CELF2: variants seen among roughly 807,000 people sequenced by gnomAD.
The protein encoded by CELF2 is CUGBP Elav-like family member 2.
Under a neutral mutation model 62.6 loss-of-function variants are expected in CELF2, and 8 were observed. That is an observed-to-expected ratio of 0.13 (90% confidence interval 0.07 to 0.23). The LOEUF is 0.23. Among genes scored for constraint, CELF2 ranks in the 10% least tolerant of loss-of-function variants. The pLI is 1.00. For missense variants in CELF2, 333 were observed against 671.0 expected (o/e 0.50, Z 5.56); for synonymous variants, 258 against 250.0 (o/e 1.03, Z -0.30).
At chr10:11,221,164 T>G (rs775177792) in intron 3 of CELF2, among the ~76,000 whole-genome samples, 1 of 152,244 alleles carries the variant, frequency 6.6e-6, no homozygotes, top group African/African-American at 2.4e-5. Flanking sequence ...AGGCTGACTT[T>G]TCCTACTGCT....
intron 2 of CELF2, among the ~76,000 whole-genome samples, chr10:11,209,100 A>G (rs1041557374): frequency 2.6e-5 from 4 of 152,072 alleles, no homozygotes; most frequent in Non-Finnish European, 5.9e-5. Context: ...TACTTTTTTC[A>G]TGCCCCTGGT....
the CELF2 span, among the ~76,000 whole-genome samples, chr10:10,659,958 C>T: frequency 2.5e-4 from 38 of 152,146 alleles, 1 homozygote; most frequent in East Asian, 6.8e-3. Context: ...AGAGAGGTGG[C>T]GTGACGACAA....
At chr10:10,821,395 G>A (rs150828278) in intron 1 of CELF2, among the ~76,000 whole-genome samples, 3 of 152,360 alleles carry the variant, frequency 2.0e-5, no homozygotes, top group East Asian at 3.9e-4. Flanking sequence ...AAAGGCGAGA[G>A]TACCAGGGAC....
Position 10,987,437 on chromosome 10 carries a change from G to A in CELF2, c.89+67438G>A, listed in dbSNP as rs761939981. Among the ~76,000 whole-genome samples the A allele has an allele frequency of 1.3e-4, 20 of 151,980 alleles. No homozygotes were observed. The South Asian group carries it at 1.5e-3, about 11-fold the overall frequency. ...ATGAAAATAAATATGTCACAACAGCGCTGTATTAAATGTTTCCTAAACTTT... is the reference window on the plus strand; with the variant it reads ...ATGAAAATAAATATGTCACAACAGCACTGTATTAAATGTTTCCTAAACTTT... On this transcript the variant is annotated intron_variant, in intron 2 of 13. Transcript: ENST00000636488.
chr10:10,550,511 G>A, the CELF2 span, among the ~76,000 whole-genome samples: 1 of 152,140 alleles, frequency 6.6e-6, no homozygotes, highest in Non-Finnish European at 1.5e-5. Context: ...AAGAAGACAG[G>A]AAGAAACACT....
At chr10:10,764,156 G>T in the CELF2 span, among the ~76,000 whole-genome samples, 1 of 152,192 alleles carries the variant, frequency 6.6e-6, no homozygotes, top group Non-Finnish European at 1.5e-5. Context: ...ACTCTGGGGA[G>T]ACTAATGTGT....
chr10:10,577,236 A>G, the CELF2 span, among the ~76,000 whole-genome samples: 1 of 152,122 alleles, frequency 6.6e-6, no homozygotes, highest in Non-Finnish European at 1.5e-5. Flanking sequence ...GCAATGGGTT[A>G]TTTGTTCCTT....
In CELF2 at chr10:11,227,672, T is replaced by G. The variant is rs1483558433; in HGVS notation, c.354+10165T>G. Among the ~76,000 whole-genome samples, 1 of 152,188 alleles carries G rather than the reference T, an allele frequency of 6.6e-6. No homozygotes were observed. Among genetic ancestry groups the G allele is most frequent in the East Asian group, 1.9e-4 (1 of 5,192 alleles). On this transcript the variant is annotated intron_variant, in intron 3 of 12. Coordinates refer to ENST00000633077, the MANE Select transcript of CELF2 (RefSeq NM_001326342.2). This position sits in a 1 kb window ranked among gnomAD's most constrained non-coding sequence, Gnocchi z 4.8. ...TCATGAGGTGGAAGCTCAGGCTACCTCTATCTTAGTTACAACAGTCAGAGC... is the reference window on the plus strand; with the variant it reads ...TCATGAGGTGGAAGCTCAGGCTACCGCTATCTTAGTTACAACAGTCAGAGC...
At chr10:10,850,882 T>C (rs563279506) in intron 1 of CELF2, among the ~76,000 whole-genome samples, 2 of 151,916 alleles carry the variant, frequency 1.3e-5, no homozygotes, top group Admixed American at 1.3e-4. Flanking sequence ...CTCAGCTCAC[T>C]GCGACCTCTG....
chr10:10,545,632 G>A, the CELF2 span, among the ~76,000 whole-genome samples: 1 of 152,070 alleles, frequency 6.6e-6, no homozygotes, highest in East Asian at 1.9e-4. Context: ...TTATTGGGTT[G>A]CTATTATCCT....
At chr10:10,982,257 C>T (rs959522499) in intron 2 of CELF2, among the ~76,000 whole-genome samples, 11 of 151,990 alleles carry the variant, frequency 7.2e-5, no homozygotes, top group East Asian at 3.9e-4. Context: ...GCTCAGCCGA[C>T]CCTCTCTTCT....
chr10:11,249,965 A>C (rs1434439253), intron 4 of CELF2, among the ~76,000 whole-genome samples: 1 of 152,196 alleles, frequency 6.6e-6, no homozygotes, highest in African/African-American at 2.4e-5. Flanking sequence ...GACTGACATA[A>C]TCAGTACTGT....
At chr10:11,261,929 A>G (rs2080763642) in intron 5 of CELF2, among the ~76,000 whole-genome samples, 1 of 152,186 alleles carries the variant, frequency 6.6e-6, no homozygotes, top group Admixed American at 6.5e-5. Flanking sequence ...TAAAATACAC[A>G]CACTCTCACT....
intron 3 of CELF2, among the ~76,000 whole-genome samples, chr10:11,248,352 C>T (rs72775835): frequency 0.22 from 33,719 of 152,022 alleles, 4,830 homozygotes; most frequent in Non-Finnish European, 0.32. Flanking sequence ...AGGACCTCGG[C>T]CCCGCTGTGT....
At chr10:11,063,825 G>A (rs2067394027) in intron 1 of CELF2, among the ~76,000 whole-genome samples, 1 of 152,140 alleles carries the variant, frequency 6.6e-6, no homozygotes, top group Non-Finnish European at 1.5e-5. Context: ...TTGTGCCTAG[G>A]CCTGTCTCTG....
chr10:11,116,178 G>T (rs1390722503), intron 1 of CELF2, among the ~76,000 whole-genome samples: 1 of 152,202 alleles, frequency 6.6e-6, no homozygotes, highest in Non-Finnish European at 1.5e-5. Flanking sequence ...TCGTAGAAAT[G>T]TACAAACCAT....
At chr10:10,951,248 A>T (rs547850026) in intron 2 of CELF2, among the ~76,000 whole-genome samples, 19 of 152,220 alleles carry the variant, frequency 1.2e-4, no homozygotes, top group Non-Finnish European at 2.6e-4. Flanking sequence ...GGCTCAAGCC[A>T]TCCTCCCACC....
chr10:10,774,222 C>T, the CELF2 span, among the ~76,000 whole-genome samples: 2 of 152,150 alleles, frequency 1.3e-5, no homozygotes, highest in African/African-American at 4.8e-5. Context: ...AGATGGGGCC[C>T]CTGACTTCAA....
chr10:10,624,600 G>A, the CELF2 span, among the ~76,000 whole-genome samples: 127 of 152,238 alleles, frequency 8.3e-4, no homozygotes, highest in African/African-American at 2.7e-3. Context: ...GAGCCACCAC[G>A]CCCAGCATCA....
Sources: gnomAD v4.1 joint callset for allele counts (sites outside exome capture counted in the v4.1 genomes callset) on GRCh38, gnomAD v4.1.1 for gene constraint, Gnocchi (gnomAD v3.1) non-coding constraint, MANE v1.5 for transcripts, NCBI Gene and HGNC (gene_info 2026-07-23, HGNC 2026-07-21) for gene names.